The following DELE1 variants were observed in gnomAD, a reference collection of about 807,000 sequenced individuals.
DELE1 encodes the protein death ligand signal enhancer.
Under a neutral mutation model 59.3 loss-of-function variants are expected in DELE1, and 54 were observed. The observed-to-expected ratio is 0.91, with a 90% CI of 0.73 to 1.14. DELE1 has a LOEUF of 1.14. Ranked by LOEUF, DELE1 falls within the 50% of genes most tolerant of loss-of-function variation. DELE1 has a pLI of 0.00. For synonymous variants in DELE1, 264 were observed against 259.1 expected (o/e 1.02, Z -0.18); for missense variants, 636 against 643.9 (o/e 0.99, Z 0.13).
In DELE1 at chr5:141,937,257, G is replaced by C. The variant is rs781041043; in HGVS notation, c.1209G>C (p.Arg403Ser). Residue 403 changes from arginine (R) to serine (S), a missense_variant, in exon 11 of 12, where the codon AGG becomes AGC. By Grantham distance (110) the Arg-to-Ser change is moderately radical. Coordinates refer to ENST00000432126, the MANE Select transcript of DELE1 (RefSeq NM_014773.5). ...ICYEKGLGVQ[R>S]NLGEALRCYQ... ...ATGAGAAAGGCCTTGGTGTGCAGAG[G>C]AATCTGGGAGAGGCCTTGAGATGTT... 1.2e-6 allele frequency: 2 copies of C among 1,614,210 alleles called. No homozygotes were observed. Among genetic ancestry groups the C allele is most frequent in the East Asian group, 2.2e-5 (1 of 44,878 alleles).
chr5:141,931,532 G>GA (rs1561515101), intron 7 of DELE1, among the ~76,000 whole-genome samples: 1 of 152,148 alleles, frequency 6.6e-6, no homozygotes, highest in Non-Finnish European at 1.5e-5. Flanking sequence ...TTGCCGGGGG[G>GA]AAAAAGGAGA....
chr5:141,928,123 C>A, intron 3 of DELE1, 28 bp from the exon 4 acceptor site: 1 of 1,605,314 alleles, frequency 6.2e-7, no homozygotes, highest in South Asian at 1.1e-5. Flanking sequence ...GGTGAAGGAC[C>A]GTGTCCTTAA....
At chr5:141,935,808 A>G (rs1323667701) in intron 10 of DELE1, among the ~76,000 whole-genome samples, 1 of 152,212 alleles carries the variant, frequency 6.6e-6, no homozygotes, top group Non-Finnish European at 1.5e-5. Flanking sequence ...CACCTGCTAT[A>G]TGACGCTGTA....
chr5:141,937,770 CAAAAAAA>C (rs1172381549), intron 11 of DELE1, among the ~76,000 whole-genome samples: 1 of 61,266 alleles, frequency 1.6e-5, no homozygotes, highest in Non-Finnish European at 3.0e-5. Context: ...GATTCTGTTT[CAAAAAAA>C]AAAAAAAAAA....
At position 141,938,613 on chromosome 5, in the gene DELE1, C is replaced by CG. The variant is rs766699679; in HGVS notation, c.1403dup (p.Leu469ProfsTer50). 1 of 1,614,132 alleles carries CG rather than the reference C, an allele frequency of 6.2e-7. No individual in the cohort carries two copies. The highest frequency in any genetic ancestry group is 2.2e-5 in the East Asian group (1 of 44,868). ...GAACACCCTGCTAGCAGGAACCTCA[C>CG]GCCTACCACATGCCTCGAGCACAGG... is the stretch of plus-strand genomic sequence containing the variant. On this transcript the variant is annotated frameshift_variant, in exon 12 of 12. Transcript: ENST00000432126. LOFTEE classifies it high-confidence loss of function.
chr5:141,939,737 A>G lies in DELE1; in HGVS notation c.*978A>G. 1.0e-6 allele frequency: 1 copy of G among 974,970 alleles called. No individual in the cohort carries two copies. Among genetic ancestry groups the G allele is most frequent in the Non-Finnish European group, 1.2e-6 (1 of 820,104 alleles). 60.4% of individuals were successfully genotyped at this position (974,970 alleles called of 1,614,324 possible). ...GTCTGGCTCTGCCACTTGCCTGGCCATGTCACCTTGAAGCTGTGACCTGAC... is the reference window on the plus strand; with the variant it reads ...GTCTGGCTCTGCCACTTGCCTGGCCGTGTCACCTTGAAGCTGTGACCTGAC... On this transcript the variant is annotated 3_prime_UTR_variant, in exon 12 of 12. Coordinates refer to ENST00000432126, the MANE Select transcript of DELE1 (RefSeq NM_014773.5).
At position 141,939,109 on chromosome 5, in the gene DELE1, T is replaced by TCA; in HGVS notation, c.*354_*355dup. On this transcript the variant is annotated 3_prime_UTR_variant, in exon 12 of 12. Transcript: ENST00000432126. The stretch of plus-strand genomic sequence containing the variant: ...TCTTCCTTCTTATGCCTGGGTTTTC[T>TCA]CACACTTAAATCTGTACTACTGTTT... 7 of 1,043,900 alleles carry TCA rather than the reference T, an allele frequency of 6.7e-6. No homozygotes were observed. The highest frequency in any genetic ancestry group is 6.9e-6 in the Non-Finnish European group (6 of 865,982). 64.7% of individuals were successfully genotyped at this position (1,043,900 alleles called of 1,614,324 possible).
intron 2 of DELE1, 122 bp from the exon 3 acceptor site, chr5:141,925,288 C>A: frequency 1.8e-6 from 1 of 541,314 alleles, no homozygotes; most frequent in Non-Finnish European, 3.3e-6. Flanking sequence ...GTCTTGAACT[C>A]CTGACCTCGT....
Position 141,925,415 on chromosome 5 carries a change from G to A in DELE1, c.152G>A (p.Gly51Asp), listed in dbSNP as rs1332196104. The change falls in exon 3 of 12, where the codon GGT becomes GAT. Residue 51 changes from glycine to aspartate, a missense_variant. Gly to Asp is a moderately conservative substitution (Grantham distance 94). Transcript: ENST00000432126. ...CCTCTTATTTCATCATCTAGGTCAG[G>A]TCCCCATGGCCCAGGCACGAGCGGG... is the stretch of plus-strand genomic sequence containing the variant. ...LVPVPNLDRS[G>D]PHGPGTSGGP... The A allele has an allele frequency of 1.9e-6, 3 of 1,580,198 alleles. No individual in the cohort carries two copies.
intron 5 of DELE1, 104 bp downstream of exon 5, chr5:141,929,844 G>A: frequency 1.3e-6 from 2 of 1,522,680 alleles, no homozygotes; most frequent in Middle Eastern, 1.9e-4. Context: ...CTCCTGTGAG[G>A]TCCCATGCCT....
Position 141,939,036 on chromosome 5 carries a change from GA to G in DELE1, c.*278del. ...GAAAAACCCTACTGAAGGGTCCAGA[GA>G]CCCTGGTGCTCACCTTAGCCTTTGT... On this transcript the variant is annotated 3_prime_UTR_variant, in exon 12 of 12. Coordinates refer to ENST00000432126, the MANE Select transcript of DELE1 (RefSeq NM_014773.5). 4.0e-6 allele frequency: 5 copies of G among 1,245,814 alleles called. No homozygotes were observed. In the South Asian group the frequency reaches 1.1e-4, roughly 26 times the overall value. 77.2% of individuals were successfully genotyped at this position (1,245,814 alleles called of 1,614,324 possible). A position where few individuals can be genotyped will look rare whatever the true frequency, so the allele number is the denominator to read the frequency against.
intron 10 of DELE1, among the ~76,000 whole-genome samples, chr5:141,936,245 T>G (rs1561521441): frequency 6.6e-6 from 1 of 152,024 alleles, no homozygotes; most frequent in Non-Finnish European, 1.5e-5. Flanking sequence ...CACCATGAGG[T>G]AGAGTCACGT....
chr5:141,938,607 A>G lies in DELE1; in HGVS notation c.1396A>G (p.Thr466Ala). 1.2e-6 allele frequency: 2 copies of G among 1,613,974 alleles called. No individual in the cohort carries two copies. The highest frequency in any genetic ancestry group is 2.2e-5 in the South Asian group (2 of 91,068). ...LCSLNTLLAG[T>A]SRLPHASSTG... Reference sequence around the variant, plus strand: ...CAGCTTGAACACCCTGCTAGCAGGAACCTCACGCCTACCACATGCCTCGAG... The same window carrying G: ...CAGCTTGAACACCCTGCTAGCAGGAGCCTCACGCCTACCACATGCCTCGAG... Residue 466 changes from threonine to alanine, a missense_variant, in exon 12 of 12, where the codon ACC becomes GCC. Physicochemically the swap from Thr to Ala is moderately conservative, Grantham distance 58 (BLOSUM62 0). Coordinates refer to ENST00000432126, the MANE Select transcript of DELE1 (RefSeq NM_014773.5).
Position 141,939,758 on chromosome 5 carries a change from C to T in DELE1, c.*999C>T, listed in dbSNP as rs1752628324. 2 of 915,636 alleles carry T rather than the reference C, an allele frequency of 2.2e-6. No homozygotes were observed. Among genetic ancestry groups the T allele is most frequent in the Non-Finnish European group, 2.6e-6 (2 of 766,328 alleles). The allele number at this position is 915,636 out of a possible 1,614,324, so 56.7% of individuals were successfully genotyped here. A position where few individuals can be genotyped will look rare whatever the true frequency, so the allele number is the denominator to read the frequency against. On this transcript the variant is annotated 3_prime_UTR_variant, in exon 12 of 12. Coordinates refer to ENST00000432126, the MANE Select transcript of DELE1 (RefSeq NM_014773.5). ...GGCCATGTCACCTTGAAGCTGTGAC[C>T]TGACTCCCTATATTGTTTCCTCAGT...
chr5:141,930,380 A>G, intron 7 of DELE1, 106 bp downstream of exon 7: 1 of 793,774 alleles, frequency 1.3e-6, no homozygotes, highest in Non-Finnish European at 2.0e-6. Flanking sequence ...GAGAGATTTT[A>G]TTTTCTCCCA....
In DELE1 at chr5:141,937,297, G is replaced by A. The variant is rs137962377; in HGVS notation, c.1249G>A (p.Ala417Thr). ...EALRCYQQSA[A>T]LGNEAAQERL... ...CTTGAGATGTTACCAGCAGTCAGCCGCTCTGGGAAATGAGGCCGCCCAGGA... is the reference window on the plus strand; with the variant it reads ...CTTGAGATGTTACCAGCAGTCAGCCACTCTGGGAAATGAGGCCGCCCAGGA... Residue 417 changes from alanine (A) to threonine (T), a missense_variant, in exon 11 of 12, where the codon GCT (alanine) becomes ACT (threonine). Coordinates refer to ENST00000432126, the MANE Select transcript of DELE1 (RefSeq NM_014773.5). 4.0e-5 allele frequency: 64 copies of A among 1,614,076 alleles called. No individual in the cohort carries two copies. In the Admixed American group the frequency reaches 5.8e-4, roughly 15 times the overall value.
intron 10 of DELE1, among the ~76,000 whole-genome samples, chr5:141,936,436 T>C (rs1274648680): frequency 6.6e-6 from 1 of 152,086 alleles, no homozygotes; most frequent in Non-Finnish European, 1.5e-5. Flanking sequence ...TTTTGTTTTG[T>C]TTTGTTTTGT....
chr5:141,933,446 G>A, intron 8 of DELE1, 45 bp downstream of exon 8: 1 of 1,373,128 alleles, frequency 7.3e-7, no homozygotes. Flanking sequence ...GGGCTGCTGA[G>A]ATTGATGTCT....
intron 3 of DELE1, 110 bp from the exon 4 acceptor site, chr5:141,928,041 G>T: frequency 1.6e-6 from 2 of 1,247,578 alleles, no homozygotes; most frequent in South Asian, 1.4e-5. Flanking sequence ...GTTTGTAGTC[G>T]GGGAGCTGCC....
Sources: allele counts gnomAD v4.1 joint callset (sites outside exome capture counted in the v4.1 genomes callset), GRCh38; gene constraint gnomAD v4.1.1; transcripts MANE v1.5; gene names NCBI Gene and HGNC (gene_info 2026-07-23, HGNC 2026-07-21).